The following MAD1L1 variants were observed in gnomAD, a reference collection of about 807,000 sequenced individuals.
MAD1L1 encodes mitotic arrest deficient 1 like 1, also known as mitotic spindle assembly checkpoint protein MAD1.
Under a neutral mutation model 96.9 loss-of-function variants are expected in MAD1L1, and 95 were observed. The observed-to-expected ratio is 0.98, with a 90% CI of 0.83 to 1.16. The LOEUF is 1.16. Among genes scored for constraint, MAD1L1 ranks in the 50% most tolerant of loss-of-function variants. MAD1L1 has a pLI of 0.00. For missense variants in MAD1L1, 1,007 were observed against 954.4 expected, an observed-to-expected ratio of 1.06 and a Z score of -0.73; for synonymous variants, 473 against 396.6, an observed-to-expected ratio of 1.19 and a Z score of -2.29.
chr7:1,915,770 T>A (rs961893330), intron 17 of MAD1L1, among the ~76,000 whole-genome samples: 4 of 152,238 alleles, frequency 2.6e-5, no homozygotes, highest in Admixed American at 1.3e-4. Flanking sequence ...ACGGAGACAG[T>A]GAGATGTGGA....
intron 12 of MAD1L1, among the ~76,000 whole-genome samples, chr7:2,043,488 C>T (rs555230277): frequency 3.9e-5 from 6 of 152,360 alleles, no homozygotes; most frequent in South Asian, 4.1e-4. Context: ...AGGAGGCCCT[C>T]GGCACGACCT....
At chr7:2,087,835 A>G (rs1322215904) in intron 11 of MAD1L1, among the ~76,000 whole-genome samples, 1 of 152,192 alleles carries the variant, frequency 6.6e-6, no homozygotes, top group Non-Finnish European at 1.5e-5. Flanking sequence ...CACAGAGAAC[A>G]GCTTCATGGA....
At chr7:1,929,686 T>C (rs1472995277) in intron 17 of MAD1L1, among the ~76,000 whole-genome samples, 3 of 134,518 alleles carry the variant, frequency 2.2e-5, no homozygotes, top group Non-Finnish European at 3.2e-5. Flanking sequence ...AAGGGAGCTC[T>C]TGACTCTGCA....
At chr7:2,129,469 G>A (rs1031867775) in intron 11 of MAD1L1, among the ~76,000 whole-genome samples, 10 of 152,206 alleles carry the variant, frequency 6.6e-5, no homozygotes, top group Non-Finnish European at 8.8e-5. Flanking sequence ...CCCTCCTGCC[G>A]TGGGTCTGAA....
chr7:1,910,126 G>A (rs985937398), intron 17 of MAD1L1, among the ~76,000 whole-genome samples: 1 of 152,092 alleles, frequency 6.6e-6, no homozygotes, highest in Non-Finnish European at 1.5e-5. Flanking sequence ...CATATTTGGA[G>A]AAGAATCCTC....
intron 10 of MAD1L1, among the ~76,000 whole-genome samples, chr7:2,162,673 G>A (rs1339749472): frequency 1.7e-4 from 10 of 59,814 alleles, no homozygotes; most frequent in South Asian, 4.4e-4. Flanking sequence ...AAAACACAAA[G>A]AATAAAAATA....
intron 3 of MAD1L1, among the ~76,000 whole-genome samples, chr7:2,228,031 G>A (rs55995779): frequency 0.15 from 16,705 of 110,172 alleles, 2,104 homozygotes; most frequent in African/African-American, 0.35. Context: ...GCAGGAGAGA[G>A]AGAACCACGA....
intron 16 of MAD1L1, among the ~76,000 whole-genome samples, chr7:1,955,270 G>C (rs533803131): frequency 1.3e-5 from 2 of 152,230 alleles, no homozygotes; most frequent in Non-Finnish European, 2.9e-5. Context: ...GCAGGGAGAG[G>C]AGAGGGCATC....
At chr7:2,162,708 CAA>C (rs200992128) in intron 10 of MAD1L1, among the ~76,000 whole-genome samples, 21 of 96,526 alleles carry the variant, frequency 2.2e-4, no homozygotes, top group East Asian at 3.5e-4. Flanking sequence ...CCACCACTCA[CAA>C]AAAAAAAAAA....
intron 10 of MAD1L1, among the ~76,000 whole-genome samples, chr7:2,178,361 T>C (rs1278833690): frequency 6.6e-6 from 1 of 152,186 alleles, no homozygotes; most frequent in Non-Finnish European, 1.5e-5. Context: ...TACCTGCGTG[T>C]CATCTGAGAA....
chr7:2,170,222 G>A (rs1008845935), intron 10 of MAD1L1, among the ~76,000 whole-genome samples: 1 of 152,208 alleles, frequency 6.6e-6, no homozygotes, highest in Non-Finnish European at 1.5e-5. Flanking sequence ...AAAGAAGGCA[G>A]CCCTGCCTCC....
intron 12 of MAD1L1, among the ~76,000 whole-genome samples, chr7:2,052,404 G>C (rs1000023475): frequency 2.0e-5 from 3 of 150,316 alleles, no homozygotes; most frequent in African/African-American, 2.5e-5. Context: ...CAGCACCCAG[G>C]AGGGCGCCGG....
intron 18 of MAD1L1, among the ~76,000 whole-genome samples, chr7:1,886,511 T>C (rs1000051727): frequency 2.0e-4 from 31 of 152,198 alleles, no homozygotes; most frequent in Middle Eastern, 3.2e-3. Flanking sequence ...GTGACAAGAA[T>C]GGGCGGCTGA....
chr7:2,160,223 T>G (rs1790035184), intron 10 of MAD1L1, among the ~76,000 whole-genome samples: 1 of 143,172 alleles, frequency 7.0e-6, no homozygotes, highest in African/African-American at 2.6e-5. Context: ...GACAGAATGA[T>G]ACCCTGTCTC....
intron 10 of MAD1L1, among the ~76,000 whole-genome samples, chr7:2,162,402 G>A (rs1790196392): frequency 1.3e-5 from 2 of 152,110 alleles, no homozygotes; most frequent in South Asian, 2.1e-4. Flanking sequence ...TGCTGGTTAA[G>A]AGTCATCACC....
intron 18 of MAD1L1, among the ~76,000 whole-genome samples, chr7:1,859,431 A>C (rs1784412637): frequency 1.3e-5 from 2 of 152,218 alleles, no homozygotes; most frequent in South Asian, 4.1e-4. Flanking sequence ...TGTTTCGGCT[A>C]CCGTGCAAAG....
intron 18 of MAD1L1, among the ~76,000 whole-genome samples, chr7:1,841,611 C>A (rs1205197907): frequency 6.6e-6 from 1 of 152,234 alleles, no homozygotes; most frequent in East Asian, 1.9e-4. Flanking sequence ...AGTGGCCGGG[C>A]GCCTGCCTGA....
chr7:1,979,281 T>C lies in MAD1L1; in HGVS notation c.1505+1172A>G, dbSNP rs1477109202. On this transcript the variant is annotated intron_variant, in intron 15 of 18. Transcript: ENST00000265854. ...GGCCATTTGATGTCCCCTGGAGCTG[T>C]CTCAGTCCCCTGTTCTCAGTTCCTC... 1.1e-4 allele frequency among the ~76,000 whole-genome samples: 16 copies of C among 152,172 alleles called. 1 individual carries two copies. The highest frequency in any genetic ancestry group is 1.0e-3 in the Admixed American group (16 of 15,286).
rs1215004419 is a variant in MAD1L1 at position 2,219,413 on chromosome 7, C to T, written c.515G>A (p.Ser172Asn). The change falls in exon 6 of 19, where the codon AGC becomes AAC. Residue 172 changes from serine (S) to asparagine (N), a missense_variant. By Grantham distance (46) the Ser-to-Asn change is conservative. Coordinates refer to ENST00000265854, the MANE Select transcript of MAD1L1 (RefSeq NM_001013836.2). ...LKGRISELQW[S>N]VMDQEMRVKR... Reference sequence around the variant, plus strand: ...CACCCGCATCTCCTGGTCCATCACGCTCCACTGCAGTTCCGAGATCCTCCC... The same window carrying T: ...CACCCGCATCTCCTGGTCCATCACGTTCCACTGCAGTTCCGAGATCCTCCC... 6.2e-7 allele frequency: 1 copy of T among 1,613,240 alleles called. No individual in the cohort carries two copies. Among genetic ancestry groups the T allele is most frequent in the Non-Finnish European group, 8.5e-7 (1 of 1,179,786 alleles).
Sources: allele counts gnomAD v4.1 joint callset (sites outside exome capture counted in the v4.1 genomes callset), GRCh38; gene constraint gnomAD v4.1.1; transcripts MANE v1.5; gene names NCBI Gene and HGNC (gene_info 2026-07-23, HGNC 2026-07-21).